The following DENND5A variants were observed in gnomAD, a reference collection of about 807,000 sequenced individuals.
DENND5A encodes DENN domain containing 5A.
In DENND5A, 64 loss-of-function variants were observed where a neutral mutation model predicts 140.3. The observed-to-expected ratio is 0.46, with a 90% CI of 0.37 to 0.56. The LOEUF (loss-of-function observed/expected upper bound fraction) is 0.56. DENND5A is among the 20% of genes least tolerant of loss of function. The pLI, the probability that DENND5A is intolerant of heterozygous loss-of-function variation, is 0.00. For missense variants in DENND5A, 1,292 were observed against 1,593.8 expected (o/e 0.81, Z 3.22); for synonymous variants, 605 against 607.7 (o/e 1.00, Z 0.07).
intron 5 of DENND5A, among the ~76,000 whole-genome samples, chr11:9,193,092 G>A (rs554956425): frequency 2.0e-5 from 3 of 152,208 alleles, no homozygotes; most frequent in South Asian, 4.1e-4. Context: ...GCTGGGCATC[G>A]TGGCACACTC....
chr11:9,209,525 G>A (rs1849802982), intron 1 of DENND5A, among the ~76,000 whole-genome samples: 1 of 152,224 alleles, frequency 6.6e-6, no homozygotes, highest in African/African-American at 2.4e-5. Context: ...AAGGGAAGAA[G>A]TCTTGTTAAA....
intron 22 of DENND5A, among the ~76,000 whole-genome samples, chr11:9,141,050 C>T (rs1847221191): frequency 6.6e-6 from 1 of 151,774 alleles, no homozygotes; most frequent in South Asian, 2.1e-4. Context: ...CACTTGAACC[C>T]AGGAGGCGGA....
At chr11:9,253,569 T>C (rs528564474) in intron 1 of DENND5A, among the ~76,000 whole-genome samples, 10 of 152,036 alleles carry the variant, frequency 6.6e-5, no homozygotes, top group African/African-American at 1.2e-4. Flanking sequence ...AAGGCCAGCC[T>C]GGGCAAGATG....
chr11:9,144,136 T>C lies in DENND5A; in HGVS notation c.3265A>G (p.Ile1089Val), dbSNP rs201701538. 585 of 1,613,920 alleles carry C rather than the reference T, an allele frequency of 3.6e-4. No homozygotes were observed. Among genetic ancestry groups the C allele is most frequent in the Non-Finnish European group, 4.7e-4 (552 of 1,179,954 alleles). ...GGTGAGATGGTAACAAGCCTCCGGATGACACTGGGGGACTGCTGCAGCGGC... is the reference window on the plus strand; with the variant it reads ...GGTGAGATGGTAACAAGCCTCCGGACGACACTGGGGGACTGCTGCAGCGGC... ...TPPLQQSPSVIRRLVTISPNN... is the reference protein window; with the variant it reads ...TPPLQQSPSVVRRLVTISPNN... Residue 1089 changes from isoleucine to valine, a missense_variant, in exon 19 of 23, where the codon ATC becomes GTC. By Grantham distance (29) the Ile-to-Val change is conservative. This residue lies in a region of DENND5A where 498 missense variants were observed against 689.7 expected (regional missense o/e 0.72). Coordinates refer to ENST00000328194, the MANE Select transcript of DENND5A (RefSeq NM_015213.4).
intron 5 of DENND5A, among the ~76,000 whole-genome samples, chr11:9,188,567 C>T (rs1031445594): frequency 9.2e-5 from 14 of 152,142 alleles, no homozygotes; most frequent in Admixed American, 7.9e-4. Flanking sequence ...GACCAAAATG[C>T]TAATAATGAT....
intron 1 of DENND5A, among the ~76,000 whole-genome samples, chr11:9,263,848 CAAAAAAAAAAAAAA>C (rs57967676): frequency 1.5e-5 from 1 of 65,076 alleles, no homozygotes; most frequent in South Asian, 6.3e-4. Context: ...GACTCCGTCT[CAAAAAAAAAAAAAA>C]AAAAAAAAAG....
At chr11:9,192,658 A>C (rs890594029) in intron 5 of DENND5A, among the ~76,000 whole-genome samples, 24 of 151,682 alleles carry the variant, frequency 1.6e-4, no homozygotes, top group Middle Eastern at 3.4e-3. Flanking sequence ...CAAAAAAAAA[A>C]CTCTACCCCC....
At chr11:9,143,312 G>A in intron 20 of DENND5A, 91 bp downstream of exon 20, 1 of 1,139,504 alleles carries the variant, frequency 8.8e-7, no homozygotes, top group Non-Finnish European at 1.3e-6. Flanking sequence ...CAGCACATGG[G>A]CCTGGAAGAG....
At chr11:9,180,591 T>C (rs1848694036) in intron 6 of DENND5A, among the ~76,000 whole-genome samples, 176 bp downstream of exon 6, 1 of 152,196 alleles carries the variant, frequency 6.6e-6, no homozygotes, top group South Asian at 2.1e-4. Flanking sequence ...TAAAGTAGCA[T>C]TTACTAGGAT....
At chr11:9,217,783 C>T (rs935292552) in intron 1 of DENND5A, among the ~76,000 whole-genome samples, 1 of 152,004 alleles carries the variant, frequency 6.6e-6, no homozygotes, top group African/African-American at 2.4e-5. Context: ...AATAAAAGGA[C>T]AAACAACAAA....
intron 1 of DENND5A, among the ~76,000 whole-genome samples, chr11:9,216,220 G>A (rs1470943993): frequency 1.3e-5 from 2 of 152,198 alleles, no homozygotes; most frequent in African/African-American, 4.8e-5. Context: ...TGAAGTATAT[G>A]ACTAGCTGCT....
chr11:9,172,581 T>C (rs1416412688), intron 8 of DENND5A, among the ~76,000 whole-genome samples: 2 of 152,160 alleles, frequency 1.3e-5, no homozygotes, highest in Admixed American at 6.5e-5. Flanking sequence ...CTCATAGATG[T>C]GATGGTTTCA....
rs1310387185 is a variant in DENND5A at position 9,242,038 on chromosome 11, TACA to T, written c.109+22920_109+22922del. ...TCAAAAAAAAAAAAAAAAAAAAAAG[TACA>T]ACATCTGTCTCCACCCTGCCCTAAC... On this transcript the variant is annotated intron_variant, in intron 1 of 22. Transcript: ENST00000328194. Among the ~76,000 whole-genome samples the T allele has an allele frequency of 6.4e-5, 9 of 140,840 alleles. No homozygotes were observed. In the East Asian group the frequency reaches 1.7e-3, roughly 26 times the overall value. 92.4% of individuals were successfully genotyped at this position (140,840 alleles called of 152,430 possible).
At chr11:9,148,876 G>A (rs1440347485) in intron 15 of DENND5A, among the ~76,000 whole-genome samples, 2 of 152,220 alleles carry the variant, frequency 1.3e-5, no homozygotes, top group Non-Finnish European at 2.9e-5. Context: ...GAAGTCATGA[G>A]AATTGGGTGA....
intron 3 of DENND5A, among the ~76,000 whole-genome samples, chr11:9,205,967 T>C (rs577607070): frequency 3.9e-5 from 6 of 152,312 alleles, no homozygotes; most frequent in East Asian, 3.9e-4. Flanking sequence ...CAGACTACAG[T>C]GCTCAAACTC....
At chr11:9,183,591 G>A (rs1403653632) in intron 5 of DENND5A, among the ~76,000 whole-genome samples, 1 of 151,992 alleles carries the variant, frequency 6.6e-6, no homozygotes, top group East Asian at 1.9e-4. Context: ...TGTTGTTGTT[G>A]AGACAGAGTG....
intron 6 of DENND5A, among the ~76,000 whole-genome samples, 187 bp from the exon 7 acceptor site, chr11:9,179,260 G>C (rs1365341307): frequency 6.6e-6 from 1 of 152,056 alleles, no homozygotes; most frequent in Non-Finnish European, 1.5e-5. Flanking sequence ...CAGACACAGA[G>C]GAGAGAAAAG....
chr11:9,261,654 G>A (rs1179887109), intron 1 of DENND5A, among the ~76,000 whole-genome samples: 1 of 151,478 alleles, frequency 6.6e-6, no homozygotes, highest in East Asian at 1.9e-4. Context: ...GGCACGCGCG[G>A]CTCATAATCC....
chr11:9,160,632 G>A (rs553121155), intron 12 of DENND5A, 81 bp downstream of exon 12: 2 of 1,355,930 alleles, frequency 1.5e-6, no homozygotes, highest in Admixed American at 1.9e-5. Flanking sequence ...CCAGTCAGCT[G>A]GACAAAAAGA....
Sources: allele counts gnomAD v4.1 joint callset (sites outside exome capture counted in the v4.1 genomes callset), GRCh38; gene constraint gnomAD v4.1.1; regional missense constraint gnomAD v4.1.1; transcripts MANE v1.5; gene names NCBI Gene and HGNC (gene_info 2026-07-23, HGNC 2026-07-21).